The following SOX5 variants were observed in gnomAD, a reference collection of about 807,000 sequenced individuals.
SOX5 encodes the protein SRY-box transcription factor 5.
A neutral mutation model predicts 92.0 loss-of-function variants in SOX5; 9 were observed. The ratio of observed to expected loss-of-function variants is 0.10; its 90% CI spans 0.06 to 0.17. The LOEUF (loss-of-function observed/expected upper bound fraction) is 0.17. SOX5 is among the 10% of genes least tolerant of loss of function. The pLI, the probability that SOX5 is intolerant of heterozygous loss-of-function variation, is 1.00. For synonymous variants in SOX5, 344 were observed against 336.3 expected, an observed-to-expected ratio of 1.02 and a Z score of -0.25; for missense variants, 642 against 944.5, an observed-to-expected ratio of 0.68 and a Z score of 4.20.
intron 3 of SOX5, among the ~76,000 whole-genome samples, chr12:24,216,403 G>A (rs1462849880): frequency 6.6e-6 from 1 of 152,100 alleles, no homozygotes; most frequent in African/African-American, 2.4e-5. Flanking sequence ...AGAATGGCGT[G>A]AACCCGGGAG....
intron 2 of SOX5, among the ~76,000 whole-genome samples, chr12:23,868,249 G>A (rs534734556): frequency 3.9e-5 from 6 of 151,978 alleles, no homozygotes; most frequent in East Asian, 1.9e-4. Context: ...GCTCCACTTC[G>A]TATTTCTAGG....
chr12:23,980,029 T>C (rs1246257499), intron 4 of SOX5, among the ~76,000 whole-genome samples: 1 of 151,724 alleles, frequency 6.6e-6, no homozygotes, highest in African/African-American at 2.4e-5. Flanking sequence ...CAGGATGTTC[T>C]CAGACTCCTG....
chr12:23,940,458 A>G (rs903024201), intron 1 of SOX5, among the ~76,000 whole-genome samples: 2 of 151,246 alleles, frequency 1.3e-5, no homozygotes, highest in Non-Finnish European at 3.0e-5. Context: ...AATTCTGACC[A>G]CTAGAGTTAG....
chr12:24,212,952 G>T (rs909853810), intron 4 of SOX5, among the ~76,000 whole-genome samples: 2 of 152,082 alleles, frequency 1.3e-5, no homozygotes, highest in East Asian at 3.9e-4. Context: ...TGACCTGGGT[G>T]CTCCTCCCTA....
chr12:23,796,781 C>G lies in SOX5; in HGVS notation c.482-41057G>C, dbSNP rs149320753. Among the ~76,000 whole-genome samples, 739 of 150,880 alleles carry G rather than the reference C, an allele frequency of 4.9e-3. 3 individuals are homozygous for G. Among genetic ancestry groups the G allele is most frequent in the African/African-American group, 0.016 (671 of 41,108 alleles). On this transcript the variant is annotated intron_variant, in intron 3 of 14. Transcript: ENST00000451604. ...TTTCCATTCTAATATAGTGTATTTA[C>G]TCATTCTTATATAGTGGTGCGTATA...
intron 2 of SOX5, among the ~76,000 whole-genome samples, chr12:24,286,671 G>A (rs1027505376): frequency 1.3e-5 from 2 of 152,090 alleles, no homozygotes; most frequent in African/African-American, 4.8e-5. Flanking sequence ...CCAAAGTGCC[G>A]GGATTACAGG....
intron 6 of SOX5, among the ~76,000 whole-genome samples, chr12:23,694,018 G>T (rs1382965525): frequency 6.6e-6 from 1 of 152,014 alleles, no homozygotes; most frequent in Non-Finnish European, 1.5e-5. Context: ...ATACTGCTTT[G>T]CTCTGAAAGA....
chr12:24,209,531 C>T (rs922210168), intron 4 of SOX5, among the ~76,000 whole-genome samples: 1 of 151,882 alleles, frequency 6.6e-6, no homozygotes, highest in Non-Finnish European at 1.5e-5. Flanking sequence ...AAATCTAAGC[C>T]TAGATAACTT....
intron 2 of SOX5, among the ~76,000 whole-genome samples, chr12:24,307,450 A>AAGGAAGGAAGG (rs1948695385): frequency 2.5e-5 from 3 of 118,574 alleles, no homozygotes; most frequent in South Asian, 5.4e-4. Flanking sequence ...GTATAGCTGG[A>AAGGAAGGAAGG]AAGGAAGGAA....
intron 3 of SOX5, among the ~76,000 whole-genome samples, chr12:24,275,359 G>T (rs535543240): frequency 6.6e-6 from 1 of 152,076 alleles, no homozygotes; most frequent in Non-Finnish European, 1.5e-5. Context: ...GCATACATGT[G>T]TGTACATAAA....
chr12:23,903,100 A>G (rs188994921), intron 1 of SOX5, among the ~76,000 whole-genome samples: 1 of 152,288 alleles, frequency 6.6e-6, no homozygotes, highest in East Asian at 1.9e-4. Context: ...TAGTGGAAAA[A>G]CATTTAGTGA....
At chr12:24,340,223 C>A (rs948931010) in intron 2 of SOX5, among the ~76,000 whole-genome samples, 1 of 152,188 alleles carries the variant, frequency 6.6e-6, no homozygotes, top group Non-Finnish European at 1.5e-5. Flanking sequence ...TTTTAAACCA[C>A]GCAAGTTATA....
chr12:24,349,628 C>T (rs1356395485), intron 2 of SOX5, among the ~76,000 whole-genome samples: 1 of 152,196 alleles, frequency 6.6e-6, no homozygotes, highest in Non-Finnish European at 1.5e-5. Flanking sequence ...CTTTTTAAAG[C>T]TGAGTAATAT....
Position 23,593,617 on chromosome 12 carries a change from C to T in SOX5, c.1164+10770G>A, listed in dbSNP as rs118176640. On this transcript the variant is annotated intron_variant, in intron 9 of 14. Coordinates refer to ENST00000451604, the MANE Select transcript of SOX5 (RefSeq NM_006940.6). ...GATGTATTAGATCTTTGTATATAAA[C>T]TCATCAATCTCACTAATATAAATTG... Among the ~76,000 whole-genome samples the T allele has an allele frequency of 3.9e-5, 6 of 152,126 alleles. No individual in the cohort carries two copies. In the East Asian group the frequency reaches 1.2e-3, roughly 29 times the overall value.
chr12:23,805,544 T>G (rs1247352448), intron 3 of SOX5, among the ~76,000 whole-genome samples: 1 of 152,212 alleles, frequency 6.6e-6, no homozygotes, highest in Non-Finnish European at 1.5e-5. Context: ...GCTTCTTTTA[T>G]TCCTATTCCC....
intron 9 of SOX5, among the ~76,000 whole-genome samples, chr12:23,601,965 G>A (rs1029592991): frequency 1.2e-4 from 18 of 152,108 alleles, no homozygotes; most frequent in Admixed American, 5.2e-4. Flanking sequence ...TACTTGAAAA[G>A]AGGCACTTTA....
chr12:24,013,118 T>C (rs899486841), intron 4 of SOX5, among the ~76,000 whole-genome samples: 1 of 152,142 alleles, frequency 6.6e-6, no homozygotes, highest in Admixed American at 6.6e-5. Context: ...TCAAAGCCTT[T>C]ATAAAGAGAT....
chr12:23,884,871 A>G (rs2097046050), intron 2 of SOX5, among the ~76,000 whole-genome samples: 1 of 152,232 alleles, frequency 6.6e-6, no homozygotes, highest in Non-Finnish European at 1.5e-5. Context: ...AATATTATGC[A>G]TTGCTATTAA....
At chr12:24,534,680 A>T (rs906631024) in intron 1 of SOX5, among the ~76,000 whole-genome samples, 17 of 152,226 alleles carry the variant, frequency 1.1e-4, no homozygotes, top group African/African-American at 3.9e-4. Flanking sequence ...CACTGAGCCA[A>T]AAATGCAGAG....
Sources: gnomAD v4.1 joint callset for allele counts (sites outside exome capture counted in the v4.1 genomes callset) on GRCh38, gnomAD v4.1.1 for gene constraint, MANE v1.5 for transcripts, NCBI Gene and HGNC (gene_info 2026-07-23, HGNC 2026-07-21) for gene names.